CACNA2D3: variants seen among roughly 807,000 people sequenced by gnomAD.
CACNA2D3 encodes the protein voltage-dependent calcium channel subunit alpha-2/delta-3.
CACNA2D3 carries 60 observed loss-of-function variants against 160.6 expected under a neutral mutation model. The observed-to-expected ratio is 0.37, with a 90% confidence interval of 0.30 to 0.46. The LOEUF is 0.46. Among genes scored for constraint, CACNA2D3 ranks in the 20% least tolerant of loss-of-function variants. The pLI is 1.00. For synonymous variants in CACNA2D3, 558 were observed against 492.9 expected (o/e 1.13, Z -1.75); for missense variants, 1,205 against 1,365.0 (o/e 0.88, Z 1.85).
In CACNA2D3 at chr3:54,513,591, G is replaced by A. The variant is rs192740624; in HGVS notation, c.544+9937G>A. On this transcript the variant is annotated intron_variant, in intron 5 of 37. Coordinates refer to ENST00000474759, the MANE Select transcript of CACNA2D3 (RefSeq NM_018398.3). ...TAATACTTTGGCTTTAGAACCACCCGGGCTCCACACTGCCTCCCTATACTG... is the reference window on the plus strand; with the variant it reads ...TAATACTTTGGCTTTAGAACCACCCAGGCTCCACACTGCCTCCCTATACTG... Among the ~76,000 whole-genome samples, 275 of 152,216 alleles carry A rather than the reference G, an allele frequency of 1.8e-3. 8 individuals carry two copies. Among genetic ancestry groups the A allele is most frequent in the Admixed American group, 0.018 (269 of 15,292 alleles).
At chr3:54,192,942 TAATGTTA>T (rs988380448) in intron 2 of CACNA2D3, among the ~76,000 whole-genome samples, 7 of 152,186 alleles carry the variant, frequency 4.6e-5, no homozygotes, top group Non-Finnish European at 8.8e-5. Flanking sequence ...AGCAGTGAAA[TAATGTTA>T]ACCGCAGCCC....
At chr3:54,937,014 G>A (rs1285566306) in intron 27 of CACNA2D3, among the ~76,000 whole-genome samples, 1 of 152,140 alleles carries the variant, frequency 6.6e-6, no homozygotes, top group Admixed American at 6.5e-5. Flanking sequence ...GCCGCTGTGT[G>A]TGAGGAGGTG....
At chr3:54,892,479 A>G (rs940700130) in intron 25 of CACNA2D3, among the ~76,000 whole-genome samples, 1 of 152,218 alleles carries the variant, frequency 6.6e-6, no homozygotes, top group Admixed American at 6.5e-5. Flanking sequence ...TGACAGATCA[A>G]TCAATGTTTA....
chr3:55,009,895 A>G (rs1260485907), intron 34 of CACNA2D3, among the ~76,000 whole-genome samples: 2 of 152,118 alleles, frequency 1.3e-5, no homozygotes, highest in Non-Finnish European at 2.9e-5. Context: ...AGGAGGGTGT[A>G]ATTAGTAGAG....
At chr3:54,765,294 C>T (rs1364151074) in intron 13 of CACNA2D3, among the ~76,000 whole-genome samples, 1 of 152,140 alleles carries the variant, frequency 6.6e-6, no homozygotes, top group East Asian at 1.9e-4. Flanking sequence ...GCCACAGCAG[C>T]CTGCCCCATC....
chr3:54,957,780 G>A (rs898841420), intron 27 of CACNA2D3, among the ~76,000 whole-genome samples: 8 of 152,042 alleles, frequency 5.3e-5, no homozygotes, highest in East Asian at 1.9e-4. Context: ...TCTCTCACCC[G>A]GTAGGATGAG....
intron 17 of CACNA2D3, among the ~76,000 whole-genome samples, chr3:54,854,526 A>T (rs1559605558): frequency 6.6e-6 from 1 of 151,900 alleles, no homozygotes; most frequent in East Asian, 1.9e-4. Context: ...TCCCACAGGT[A>T]TTTTTTTTAT....
intron 6 of CACNA2D3, among the ~76,000 whole-genome samples, chr3:54,565,825 C>T (rs1702401061): frequency 1.3e-5 from 2 of 152,112 alleles, no homozygotes; most frequent in African/African-American, 2.4e-5. Flanking sequence ...CTTCATTAGG[C>T]TCTATAGTTC....
intron 9 of CACNA2D3, among the ~76,000 whole-genome samples, chr3:54,614,499 A>C (rs1575382613): frequency 2.0e-5 from 3 of 152,148 alleles, no homozygotes; most frequent in African/African-American, 7.2e-5. Context: ...TGTTTGCATC[A>C]CATTTTGTGC....
chr3:54,863,724 A>ATTT (rs1559608550), intron 17 of CACNA2D3, among the ~76,000 whole-genome samples: 3 of 145,072 alleles, frequency 2.1e-5, no homozygotes, highest in Non-Finnish European at 4.5e-5. Flanking sequence ...TTTTTTTTTA[A>ATTT]AAAAAAAATA....
At chr3:54,621,458 G>A (rs1246338897) in intron 9 of CACNA2D3, among the ~76,000 whole-genome samples, 1 of 152,224 alleles carries the variant, frequency 6.6e-6, no homozygotes, top group African/African-American at 2.4e-5. Flanking sequence ...AATTGCTTTG[G>A]AAGCGAGGCT....
chr3:54,701,075 C>A (rs1014634792), intron 11 of CACNA2D3, among the ~76,000 whole-genome samples: 1 of 152,174 alleles, frequency 6.6e-6, no homozygotes, highest in Admixed American at 6.5e-5. Context: ...AAATCAGGTT[C>A]TTTTCATGAG....
intron 14 of CACNA2D3, among the ~76,000 whole-genome samples, chr3:54,822,335 A>G (rs554015424): frequency 6.6e-6 from 1 of 152,364 alleles, no homozygotes; most frequent in South Asian, 2.1e-4. Flanking sequence ...CTTTTCCTGT[A>G]GCCAGCGTGA....
chr3:54,330,428 C>T (rs909509297), intron 3 of CACNA2D3, among the ~76,000 whole-genome samples: 4 of 152,090 alleles, frequency 2.6e-5, no homozygotes, highest in Non-Finnish European at 2.9e-5. Flanking sequence ...TCCAGGGTCA[C>T]GGTTGGAGTT....
intron 11 of CACNA2D3, among the ~76,000 whole-genome samples, chr3:54,654,598 T>TG (rs1216823272): frequency 2.6e-5 from 4 of 151,940 alleles, no homozygotes; most frequent in Admixed American, 6.5e-5. Context: ...TTTAGAAGCT[T>TG]GGGGGAGAAG....
intron 2 of CACNA2D3, among the ~76,000 whole-genome samples, chr3:54,222,307 A>G (rs116780794): frequency 6.9e-4 from 105 of 152,320 alleles, no homozygotes; most frequent in African/African-American, 2.5e-3. Flanking sequence ...TCTGAATGCT[A>G]GTAGGCTTGA....
At chr3:54,465,563 G>C (rs566909061) in intron 4 of CACNA2D3, among the ~76,000 whole-genome samples, 1 of 152,104 alleles carries the variant, frequency 6.6e-6, no homozygotes, top group African/African-American at 2.4e-5. Context: ...GTGGTCTACT[G>C]TACTCTTGGT....
chr3:54,417,349 G>A (rs1699769080), intron 4 of CACNA2D3, among the ~76,000 whole-genome samples: 1 of 152,172 alleles, frequency 6.6e-6, no homozygotes. Context: ...TTCTTGTTTG[G>A]AGTATTTTCT....
chr3:54,969,688 T>A (rs2107070254), intron 28 of CACNA2D3, 112 bp from the exon 29 acceptor site: 1 of 764,800 alleles, frequency 1.3e-6, no homozygotes, highest in East Asian at 2.6e-5. Flanking sequence ...ATTTGAATTC[T>A]AGCCCATGAC....
Sources: gnomAD v4.1 joint callset for allele counts (sites outside exome capture counted in the v4.1 genomes callset) on GRCh38, gnomAD v4.1.1 for gene constraint, MANE v1.5 for transcripts, NCBI Gene and HGNC (gene_info 2026-07-23, HGNC 2026-07-21) for gene names.